The following FREM2 variants were observed in gnomAD, a reference collection of about 807,000 sequenced individuals.
FREM2 encodes the protein FRAS1-related extracellular matrix protein 2.
FREM2 carries 119 observed loss-of-function variants against 219.9 expected under a neutral mutation model. That is an observed-to-expected ratio of 0.54 (90% confidence interval 0.47 to 0.63). FREM2 has a LOEUF of 0.63. Ranked by LOEUF, FREM2 falls within the 30% of genes least tolerant of loss-of-function variation. FREM2 has a pLI of 0.00. For synonymous variants in FREM2, 1,562 were observed against 1,522.8 expected (o/e 1.03, Z -0.60); for missense variants, 4,030 against 3,993.6 (o/e 1.01, Z -0.25).
In FREM2 at chr13:38,882,135, C is replaced by T. The variant is rs1878570851; in HGVS notation, c.*1348C>T. 1 of 152,174 alleles carries T rather than the reference C, an allele frequency of 6.6e-6. No individual in the cohort carries two copies. Among genetic ancestry groups the T allele is most frequent in the South Asian group, 2.1e-4 (1 of 4,826 alleles). 9.4% of individuals were successfully genotyped at this position (152,174 alleles called of 1,614,324 possible). Reference sequence around the variant, plus strand: ...ACTTGAGTGAGCTTCCTTGGCAAGCCTCCCATTGCCTTTCTGCATCAATGT... The same window carrying T: ...ACTTGAGTGAGCTTCCTTGGCAAGCTTCCCATTGCCTTTCTGCATCAATGT... On this transcript the variant is annotated 3_prime_UTR_variant, in exon 24 of 24. Coordinates refer to ENST00000280481, the MANE Select transcript of FREM2 (RefSeq NM_207361.6).
At chr13:38,789,528 T>TA (rs1050721833) in intron 6 of FREM2, among the ~76,000 whole-genome samples, 7 of 151,102 alleles carry the variant, frequency 4.6e-5, no homozygotes, top group East Asian at 1.9e-4. Flanking sequence ...AGTTTTTTTT[T>TA]AAAAAAAGCT....
At chr13:38,771,188 A>G (rs967685408) in intron 4 of FREM2, among the ~76,000 whole-genome samples, 3 of 152,232 alleles carry the variant, frequency 2.0e-5, no homozygotes, top group Admixed American at 6.5e-5. Flanking sequence ...ATGAAGTTCA[A>G]TTATGTTTGT....
chr13:38,710,601 C>T (rs1057356216), intron 2 of FREM2, among the ~76,000 whole-genome samples: 5 of 152,200 alleles, frequency 3.3e-5, no homozygotes, highest in African/African-American at 7.2e-5. Flanking sequence ...TTCTCAACTG[C>T]GAGAGCTGTT....
intron 6 of FREM2, among the ~76,000 whole-genome samples, chr13:38,810,753 A>T (rs760749069): frequency 2.6e-5 from 4 of 151,996 alleles, no homozygotes; most frequent in Non-Finnish European, 5.9e-5. Flanking sequence ...ATCAATATTC[A>T]TCAGAGATAT....
intron 2 of FREM2, among the ~76,000 whole-genome samples, chr13:38,763,359 T>C (rs575041802): frequency 3.3e-5 from 5 of 150,606 alleles, no homozygotes; most frequent in African/African-American, 1.2e-4. Flanking sequence ...TTTTGTCGTC[T>C]ATTAAAGTTT....
At chr13:38,812,782 C>T (rs1325353923) in intron 6 of FREM2, among the ~76,000 whole-genome samples, 1 of 151,802 alleles carries the variant, frequency 6.6e-6, no homozygotes, top group East Asian at 1.9e-4. Context: ...ACTTGAGAGG[C>T]TGAGATGGGA....
intron 16 of FREM2, among the ~76,000 whole-genome samples, chr13:38,865,102 T>C (rs1877911952): frequency 6.6e-6 from 1 of 152,234 alleles, no homozygotes; most frequent in Admixed American, 6.5e-5. Context: ...TGTTTTACTC[T>C]CCTTCTTTTT....
chr13:38,691,790 C>T lies in FREM2; in HGVS notation c.4446C>T (p.Phe1482=). 1 of 1,614,182 alleles carries T rather than the reference C, an allele frequency of 6.2e-7. No homozygotes were observed. Among genetic ancestry groups the T allele is most frequent in the Non-Finnish European group, 8.5e-7 (1 of 1,180,042 alleles). ...TDQPGVSITS[F]TQLQLAGNKI... ...AGCCTGGTGTGTCCATCACGTCTTT[C>T]ACTCAGCTGCAACTGGCTGGAAACA... The change falls in exon 1 of 24, where the codon TTC becomes TTT. Residue 1482 remains phenylalanine, a synonymous_variant. Coordinates refer to ENST00000280481, the MANE Select transcript of FREM2 (RefSeq NM_207361.6).
intron 6 of FREM2, among the ~76,000 whole-genome samples, chr13:38,786,716 G>A (rs924152048): frequency 1.2e-4 from 18 of 151,958 alleles, no homozygotes; most frequent in African/African-American, 4.4e-4. Context: ...GGATTGCTAT[G>A]GGATGCACAT....
intron 2 of FREM2, among the ~76,000 whole-genome samples, chr13:38,756,895 T>C (rs1024989305): frequency 5.3e-5 from 8 of 151,996 alleles, no homozygotes; most frequent in African/African-American, 1.7e-4. Flanking sequence ...CAGAAAAATA[T>C]GGAAAATGTG....
intron 6 of FREM2, among the ~76,000 whole-genome samples, chr13:38,827,892 A>G (rs1335327280): frequency 6.6e-6 from 1 of 152,144 alleles, no homozygotes; most frequent in Admixed American, 6.6e-5. Context: ...CTACTCTCTA[A>G]TATTTTTGCC....
rs529296138 is a variant in FREM2, at chr13:38,883,586, C to A, written c.*2799C>A. On this transcript the variant is annotated 3_prime_UTR_variant, in exon 24 of 24. Coordinates refer to ENST00000280481, the MANE Select transcript of FREM2 (RefSeq NM_207361.6). ...TATTTTAATGATGATCTTATTTATT[C>A]CCATTTTTGCCCTTAGTTAACATTT... The A allele has an allele frequency of 6.6e-6, 1 of 152,080 alleles. No individual in the cohort carries two copies. The highest frequency in any genetic ancestry group is 2.4e-5 in the African/African-American group (1 of 41,400). 9.4% of individuals were successfully genotyped at this position (152,080 alleles called of 1,614,324 possible). A position where few individuals can be genotyped will look rare whatever the true frequency, so the allele number is the denominator to read the frequency against.
Position 38,801,619 on chromosome 13 carries a change from G to C in FREM2, c.6019+16811G>C, listed in dbSNP as rs1875011619. Among the ~76,000 whole-genome samples the C allele has an allele frequency of 4.6e-5, 7 of 152,120 alleles. No individual in the cohort carries two copies. The South Asian group carries it at 1.5e-3, about 32-fold the overall frequency. ...TGTAAATAACATCCATGGTATCTGT[G>C]ATTTTCTCTGTGGCCTAGGGTATCA... is the stretch of plus-strand genomic sequence containing the variant. On this transcript the variant is annotated intron_variant, in intron 6 of 23. Coordinates refer to ENST00000280481, the MANE Select transcript of FREM2 (RefSeq NM_207361.6).
Position 38,688,817 on chromosome 13 carries a change from C to G in FREM2, c.1473C>G (p.His491Gln), listed in dbSNP as rs924413977. 6.2e-7 allele frequency: 1 copy of G among 1,613,916 alleles called. No individual in the cohort carries two copies. The highest frequency in any genetic ancestry group is 1.7e-5 in the Admixed American group (1 of 60,008). The stretch of plus-strand genomic sequence containing the variant: ...TGGTGGCTGGGCTCCGGCATGGTCA[C>G]CTTGTCATTCTGGGTGCTTCCAGTG... ...LEVVAGLRHG[H>Q]LVILGASSGS... is the part of the protein sequence containing the mutation. The change falls in exon 1 of 24, where the codon CAC becomes CAG. Residue 491 changes from histidine to glutamine, a missense_variant. By Grantham distance (24) the His-to-Gln change is conservative. This residue lies in a region of FREM2 where 3,102 missense variants were observed against 2,950.7 expected (regional missense o/e 1.05). Transcript: ENST00000280481.
intron 16 of FREM2, among the ~76,000 whole-genome samples, chr13:38,864,815 A>G (rs558538905): frequency 3.6e-5 from 5 of 140,656 alleles, no homozygotes; most frequent in South Asian, 4.6e-4. Context: ...GTTTTTGACA[A>G]TGGGCTAGAA....
intron 11 of FREM2, among the ~76,000 whole-genome samples, chr13:38,853,655 G>C (rs1235954346): frequency 6.6e-6 from 1 of 152,126 alleles, no homozygotes; most frequent in Non-Finnish European, 1.5e-5. Context: ...CCATATAATG[G>C]TTATAATTTG....
Position 38,687,257 on chromosome 13 carries a change from C to A in FREM2, c.-88C>A. Reference sequence around the variant, plus strand: ...CGCGGGCAACGCGCGGAGTTCCTGGCACTTCCCGGCGGTGTCTCTTGTTGT... The same window carrying A: ...CGCGGGCAACGCGCGGAGTTCCTGGAACTTCCCGGCGGTGTCTCTTGTTGT... On this transcript the variant is annotated 5_prime_UTR_variant, in exon 1 of 24. Coordinates refer to ENST00000280481, the MANE Select transcript of FREM2 (RefSeq NM_207361.6). The A allele has an allele frequency of 6.5e-7, 1 of 1,527,378 alleles. No individual in the cohort carries two copies. The highest frequency in any genetic ancestry group is 8.9e-7 in the Non-Finnish European group (1 of 1,127,350). 94.6% of individuals were successfully genotyped at this position (1,527,378 alleles called of 1,614,324 possible). A position where few individuals can be genotyped will look rare whatever the true frequency, so the allele number is the denominator to read the frequency against.
intron 18 of FREM2, 41 bp downstream of exon 18, chr13:38,874,627 A>C: frequency 2.0e-6 from 3 of 1,486,376 alleles, no homozygotes; most frequent in Non-Finnish European, 2.8e-6. Context: ...CTCACACAAA[A>C]AGGAGGTAGA....
At chr13:38,696,434 C>T (rs1164888137) in intron 1 of FREM2, among the ~76,000 whole-genome samples, 1 of 152,102 alleles carries the variant, frequency 6.6e-6, no homozygotes, top group East Asian at 1.9e-4. Flanking sequence ...CCTTTGAATT[C>T]CATAGCATGA....
Sources: gnomAD v4.1 joint callset for allele counts (sites outside exome capture counted in the v4.1 genomes callset) on GRCh38, gnomAD v4.1.1 for gene constraint, gnomAD v4.1.1 regional missense constraint, MANE v1.5 for transcripts, NCBI Gene and HGNC (gene_info 2026-07-23, HGNC 2026-07-21) for gene names.